CDKL1: variants seen among roughly 807,000 people sequenced by gnomAD.
CDKL1 encodes cyclin-dependent kinase-like 1.
CDKL1 carries 41 observed loss-of-function variants against 42.0 expected under a neutral mutation model. That is an observed-to-expected ratio of 0.98 (90% confidence interval 0.76 to 1.27). The LOEUF (loss-of-function observed/expected upper bound fraction) is 1.27, where lower values mean the gene tolerates loss of function less well. Among genes scored for constraint, CDKL1 ranks in the 50% most tolerant of loss-of-function variants. CDKL1 has a pLI of 0.00. For synonymous variants in CDKL1, 153 were observed against 158.6 expected (o/e 0.96, Z 0.26); for missense variants, 394 against 428.4 (o/e 0.92, Z 0.71).
chr14:50,332,148 T>G, intron 9 of CDKL1, 114 bp downstream of exon 9: 1 of 1,612,934 alleles, frequency 6.2e-7, no homozygotes, highest in South Asian at 1.1e-5. Context: ...CTATGACCTG[T>G]CTCCTAGTGC....
At chr14:50,387,259 T>G (rs561246387) in intron 2 of CDKL1, among the ~76,000 whole-genome samples, 2 of 150,354 alleles carry the variant, frequency 1.3e-5, no homozygotes, top group Non-Finnish European at 3.0e-5. Flanking sequence ...CGGTGACTCA[T>G]GCCTGTAATC....
At chr14:50,364,493 A>G (rs553081854) in intron 2 of CDKL1, among the ~76,000 whole-genome samples, 1 of 152,352 alleles carries the variant, frequency 6.6e-6, no homozygotes, top group East Asian at 1.9e-4. Context: ...AATTTATTTT[A>G]AAAAAGGAAA....
At chr14:50,359,279 A>G in intron 2 of CDKL1, 130 bp from the exon 3 acceptor site, 1 of 1,022,926 alleles carries the variant, frequency 9.8e-7, no homozygotes, top group Non-Finnish European at 1.4e-6. Flanking sequence ...GGCTGTAAAC[A>G]GTATCATCTT....
intron 5 of CDKL1, among the ~76,000 whole-genome samples, chr14:50,341,548 G>A (rs1016085620): frequency 1.3e-5 from 2 of 151,778 alleles, no homozygotes; most frequent in Non-Finnish European, 2.9e-5. Flanking sequence ...GGAGGCCGAG[G>A]TAGGTGGTTT....
chr14:50,352,054 T>C (rs1343418562), intron 3 of CDKL1, among the ~76,000 whole-genome samples: 1 of 152,214 alleles, frequency 6.6e-6, no homozygotes, highest in African/African-American at 2.4e-5. Flanking sequence ...CTCTTTTACA[T>C]TACATTATAC....
intron 6 of CDKL1, among the ~76,000 whole-genome samples, chr14:50,339,555 A>C (rs1289189539): frequency 1.3e-5 from 2 of 150,790 alleles, no homozygotes; most frequent in South Asian, 2.1e-4. Flanking sequence ...GGGGAGGGGA[A>C]GGGAAGGAAG....
intron 6 of CDKL1, 122 bp from the exon 7 acceptor site, chr14:50,339,151 A>G (rs1329630384): frequency 1.4e-6 from 1 of 715,148 alleles, no homozygotes; most frequent in East Asian, 2.7e-5. Context: ...GTTCTTGGGC[A>G]ATCAGAAGGA....
chr14:50,338,760 ACT>A (rs1488366435), intron 7 of CDKL1, among the ~76,000 whole-genome samples, 185 bp downstream of exon 7: 7 of 152,008 alleles, frequency 4.6e-5, no homozygotes, highest in Non-Finnish European at 1.5e-5. Flanking sequence ...GGCTGGCTAG[ACT>A]CTGTTATCAG....
intron 2 of CDKL1, among the ~76,000 whole-genome samples, chr14:50,376,881 G>A (rs368423230): frequency 2.9e-4 from 44 of 152,264 alleles, no homozygotes; most frequent in African/African-American, 9.1e-4. Context: ...AAACAAGGTC[G>A]ATAGGGGCAT....
chr14:50,376,713 C>T (rs1372510268), intron 2 of CDKL1, among the ~76,000 whole-genome samples: 1 of 152,116 alleles, frequency 6.6e-6, no homozygotes, highest in African/African-American at 2.4e-5. Flanking sequence ...CATATATTCA[C>T]TTGTCATATA....
At chr14:50,390,349 G>T in intron 2 of CDKL1, 2 of 1,366,296 alleles carry the variant, frequency 1.5e-6, no homozygotes, top group Non-Finnish European at 2.0e-6. Flanking sequence ...AACTCCGCTA[G>T]GAGCATCTAC....
At chr14:50,335,656 A>G (rs1221032492) in intron 7 of CDKL1, 5 of 1,509,630 alleles carry the variant, frequency 3.3e-6, no homozygotes, top group Non-Finnish European at 4.4e-6. Flanking sequence ...GAGGCTGAGA[A>G]AATAAGAGCC....
At chr14:50,345,811 A>C (rs1182053610) in intron 3 of CDKL1, among the ~76,000 whole-genome samples, 1 of 152,136 alleles carries the variant, frequency 6.6e-6, no homozygotes, top group Non-Finnish European at 1.5e-5. Flanking sequence ...ACCACAGCTA[A>C]ACTTCAAGCC....
At chr14:50,377,969 A>T (rs1023207850) in intron 2 of CDKL1, among the ~76,000 whole-genome samples, 1 of 152,210 alleles carries the variant, frequency 6.6e-6, no homozygotes, top group Non-Finnish European at 1.5e-5. Context: ...AAAGGGCAGC[A>T]GAGCTACAAA....
intron 7 of CDKL1, chr14:50,336,186 C>T (rs775984394): frequency 4.4e-6 from 6 of 1,358,620 alleles, no homozygotes; most frequent in East Asian, 9.2e-5. Context: ...AGCAAGCAGG[C>T]CTCCCTCTGT....
chr14:50,395,981 T>C lies in CDKL1; in HGVS notation c.-113A>G. 9.2e-7 allele frequency: 1 copy of C among 1,088,572 alleles called. No homozygotes were observed. Among genetic ancestry groups the C allele is most frequent in the Admixed American group, 2.2e-5 (1 of 46,000 alleles). 67.4% of individuals were successfully genotyped at this position (1,088,572 alleles called of 1,614,324 possible). ...GGGCAGATCACCTGAGGTCAGGAGT[T>C]CGAGACCAGTCTGGCCAACATACTG... is the stretch of plus-strand genomic sequence containing the variant. On this transcript the variant is annotated 5_prime_UTR_variant, in exon 2 of 10. Transcript: ENST00000395834.
At chr14:50,383,550 CAAA>C (rs72048788) in intron 2 of CDKL1, among the ~76,000 whole-genome samples, 100,256 of 140,114 alleles carry the variant, frequency 0.72, 34,831 homozygotes, top group Middle Eastern at 0.77. Flanking sequence ...GAGACTGTCT[CAAA>C]AAAAAAAAAA....
chr14:50,380,560 C>G (rs1248882805), intron 2 of CDKL1, among the ~76,000 whole-genome samples: 6 of 152,214 alleles, frequency 3.9e-5, no homozygotes, highest in African/African-American at 1.4e-4. Flanking sequence ...GTTAACTCTC[C>G]AGCACTCTGT....
At chr14:50,379,039 A>C (rs1434787531) in intron 2 of CDKL1, among the ~76,000 whole-genome samples, 2 of 152,048 alleles carry the variant, frequency 1.3e-5, no homozygotes, top group African/African-American at 4.8e-5. Context: ...TTTGGTAGAG[A>C]CAGCATTTCG....
Sources: gnomAD v4.1 joint callset for allele counts (sites outside exome capture counted in the v4.1 genomes callset) on GRCh38, gnomAD v4.1.1 for gene constraint, MANE v1.5 for transcripts, NCBI Gene and HGNC (gene_info 2026-07-23, HGNC 2026-07-21) for gene names.